The following CNTN6 variants were observed in gnomAD, a reference collection of about 807,000 sequenced individuals.
CNTN6 encodes the protein contactin-6.
Under a neutral mutation model 122.8 loss-of-function variants are expected in CNTN6, and 137 were observed. The observed-to-expected ratio is 1.12, with a 90% confidence interval of 0.97 to 1.29. CNTN6 has a LOEUF of 1.29. Ranked by LOEUF, CNTN6 falls within the 50% of genes most tolerant of loss-of-function variation. CNTN6 has a pLI of 0.00. For missense variants in CNTN6, 1,634 were observed against 1,223.4 expected (o/e 1.34, Z -5.01); for synonymous variants, 570 against 426.0 (o/e 1.34, Z -4.16).
intron 1 of CNTN6, among the ~76,000 whole-genome samples, chr3:1,115,099 T>G (rs1430782159): frequency 6.6e-6 from 1 of 152,190 alleles, no homozygotes; most frequent in Non-Finnish European, 1.5e-5. Flanking sequence ...AGCAGAAAGC[T>G]GGGAGTTTAT....
chr3:1,247,327 G>A (rs1388293307), intron 4 of CNTN6, among the ~76,000 whole-genome samples: 1 of 151,718 alleles, frequency 6.6e-6, no homozygotes, highest in African/African-American at 2.4e-5. Context: ...ATGCCTGCTT[G>A]AGCCTGCTAT....
intron 2 of CNTN6, among the ~76,000 whole-genome samples, chr3:1,170,365 T>C (rs2093338738): frequency 6.7e-6 from 1 of 150,270 alleles, no homozygotes; most frequent in South Asian, 2.1e-4. Flanking sequence ...TTCTCCCCAA[T>C]ATACAGACCA....
chr3:1,302,966 C>G (rs543029238), intron 7 of CNTN6, among the ~76,000 whole-genome samples: 2 of 151,698 alleles, frequency 1.3e-5, no homozygotes, highest in Non-Finnish European at 2.9e-5. Flanking sequence ...CTTTGCATCT[C>G]AGTTTGGGAG....
intron 20 of CNTN6, among the ~76,000 whole-genome samples, chr3:1,400,708 A>G (rs1273055663): frequency 2.6e-5 from 4 of 152,136 alleles, no homozygotes; most frequent in Non-Finnish European, 4.4e-5. Flanking sequence ...AGGGGAACTC[A>G]AACTTGGACT....
chr3:1,227,720 G>T, intron 3 of CNTN6, 98 bp from the exon 4 acceptor site: 4 of 1,292,026 alleles, frequency 3.1e-6, no homozygotes, highest in Non-Finnish European at 3.2e-6. Flanking sequence ...GTTTTTTGGT[G>T]TTTTTTATAG....
At chr3:1,329,231 A>G (rs1701952544) in intron 10 of CNTN6, among the ~76,000 whole-genome samples, 1 of 147,136 alleles carries the variant, frequency 6.8e-6, no homozygotes, top group African/African-American at 2.7e-5. Context: ...ATGGATACAC[A>G]TGTATGTGCA....
At chr3:1,295,124 A>G (rs959020399) in intron 5 of CNTN6, among the ~76,000 whole-genome samples, 1 of 152,188 alleles carries the variant, frequency 6.6e-6, no homozygotes, top group African/African-American at 2.4e-5. Context: ...TGATCAAATG[A>G]GTGAACTTCA....
At chr3:1,258,514 C>A (rs2094795229) in intron 4 of CNTN6, among the ~76,000 whole-genome samples, 1 of 152,056 alleles carries the variant, frequency 6.6e-6, no homozygotes, top group Non-Finnish European at 1.5e-5. Context: ...CTTGAGTGTG[C>A]AGTGGCCTGG....
At chr3:1,268,561 T>A (rs187337327) in intron 4 of CNTN6, among the ~76,000 whole-genome samples, 3 of 137,110 alleles carry the variant, frequency 2.2e-5, no homozygotes, top group African/African-American at 5.6e-5. Flanking sequence ...GAGCCGAGAT[T>A]GAGCCACTGC....
chr3:1,152,150 G>T (rs571578800), intron 2 of CNTN6, among the ~76,000 whole-genome samples: 24 of 151,848 alleles, frequency 1.6e-4, no homozygotes, highest in Non-Finnish European at 2.2e-4. Flanking sequence ...TTGTTTGTTT[G>T]TTTTTTGAGA....
At chr3:1,280,567 C>T (rs963689486) in intron 5 of CNTN6, among the ~76,000 whole-genome samples, 4 of 145,210 alleles carry the variant, frequency 2.8e-5, no homozygotes, top group Non-Finnish European at 5.9e-5. Flanking sequence ...TGGGTTCAAG[C>T]GATTCTCCTA....
chr3:1,235,616 G>C (rs1292501414), intron 4 of CNTN6, among the ~76,000 whole-genome samples: 1 of 152,168 alleles, frequency 6.6e-6, no homozygotes, highest in Non-Finnish European at 1.5e-5. Context: ...TGCAGCTCCT[G>C]CTGGGAGGGA....
intron 2 of CNTN6, among the ~76,000 whole-genome samples, chr3:1,187,728 T>A (rs1291881930): frequency 2.6e-5 from 4 of 152,106 alleles, no homozygotes; most frequent in Non-Finnish European, 5.9e-5. Context: ...TAAGTGGGTG[T>A]TTTTAAACAC....
rs138237549 is a variant in CNTN6 at position 1,103,719 on chromosome 3, C to G, written c.-83+10599C>G. 7.2e-3 allele frequency among the ~76,000 whole-genome samples: 1,095 copies of G among 152,232 alleles called. 14 individuals carry two copies. The highest frequency in any genetic ancestry group is 0.025 in the African/African-American group (1,036 of 41,546). ...ACAATGCCTGAGCCAATTGCTTTTA[C>G]CATTAGGGGGCTCCTTTTACTTATG... On this transcript the variant is annotated intron_variant, in intron 1 of 22. Coordinates refer to ENST00000446702, the MANE Select transcript of CNTN6 (RefSeq NM_001289080.2).
chr3:1,304,986 T>G (rs1334861598), intron 7 of CNTN6, among the ~76,000 whole-genome samples: 1 of 29,148 alleles, frequency 3.4e-5, no homozygotes. Flanking sequence ...TGAGACTCTG[T>G]CAAAAAAAAA....
At chr3:1,095,051 T>G (rs896853158) in intron 1 of CNTN6, among the ~76,000 whole-genome samples, 1 of 152,042 alleles carries the variant, frequency 6.6e-6, no homozygotes, top group African/African-American at 2.4e-5. Flanking sequence ...AGATGAGAGA[T>G]AAATACTTTT....
chr3:1,379,017 C>G (rs1402859137), intron 17 of CNTN6, among the ~76,000 whole-genome samples: 1 of 152,080 alleles, frequency 6.6e-6, no homozygotes, highest in African/African-American at 2.4e-5. Context: ...GCCAAATAAG[C>G]ATTATCATCA....
intron 2 of CNTN6, among the ~76,000 whole-genome samples, chr3:1,206,201 A>G (rs572338888): frequency 5.9e-5 from 9 of 152,282 alleles, no homozygotes; most frequent in African/African-American, 1.9e-4. Context: ...ATTCTCCTGA[A>G]GATCATTTCA....
intron 2 of CNTN6, among the ~76,000 whole-genome samples, chr3:1,161,260 G>C (rs2093126312): frequency 2.0e-5 from 2 of 99,850 alleles, no homozygotes; most frequent in Admixed American, 1.9e-4. Flanking sequence ...ATATATATAT[G>C]ATATATATAT....
Sources: gnomAD v4.1 joint callset for allele counts (sites outside exome capture counted in the v4.1 genomes callset) on GRCh38, gnomAD v4.1.1 for gene constraint, MANE v1.5 for transcripts, NCBI Gene and HGNC (gene_info 2026-07-23, HGNC 2026-07-21) for gene names.